Variants in FABP6 observed in about 807,000 individuals in gnomAD.
FABP6 encodes the protein fatty acid binding protein 6.
Under a neutral mutation model 14.9 loss-of-function variants are expected in FABP6, and 13 were observed. That is an observed-to-expected ratio of 0.87 (90% CI 0.57 to 1.39). The LOEUF (loss-of-function observed/expected upper bound fraction) is 1.39. Ranked by LOEUF, FABP6 falls within the 40% of genes most tolerant of loss-of-function variation. The probability of loss-of-function intolerance (pLI) is 0.00; values close to 1 mark genes in which losing one functional copy is unlikely to be tolerated. For synonymous variants in FABP6, 75 were observed against 63.6 expected, an observed-to-expected ratio of 1.18 and a Z score of -0.85; for missense variants, 161 against 167.2, an observed-to-expected ratio of 0.96 and a Z score of 0.20.
intron 2 of FABP6, among the ~76,000 whole-genome samples, chr5:160,210,037 C>G (rs1011501447): frequency 6.6e-6 from 1 of 152,172 alleles, no homozygotes. Flanking sequence ...GTGATCTGAC[C>G]AGGGGAGTCT....
chr5:160,222,209 C>G (rs1414380434), intron 3 of FABP6, among the ~76,000 whole-genome samples: 2 of 151,634 alleles, frequency 1.3e-5, no homozygotes, highest in Non-Finnish European at 2.9e-5. Flanking sequence ...CCTCTTGCCT[C>G]TGCCTCCAAA....
At chr5:160,207,881 G>A (rs1037829129) in intron 2 of FABP6, among the ~76,000 whole-genome samples, 3 of 151,910 alleles carry the variant, frequency 2.0e-5, no homozygotes, top group East Asian at 1.9e-4. Flanking sequence ...CTGCCACCAC[G>A]CCCAGCTAAT....
upstream of FABP6, chr5:160,228,418 C>T (rs879101194): frequency 1.1e-5 from 5 of 455,890 alleles, no homozygotes; most frequent in Admixed American, 2.4e-5. Flanking sequence ...ATAATAATCA[C>T]GAGAGCCTTT....
At chr5:160,212,531 C>G (rs1236293897) in intron 2 of FABP6, among the ~76,000 whole-genome samples, 1 of 151,794 alleles carries the variant, frequency 6.6e-6, no homozygotes, top group Non-Finnish European at 1.5e-5. Flanking sequence ...TGCAGTGGCA[C>G]GATCTCCGCT....
At chr5:160,232,385 C>T (rs1272326714) in intron 2 of FABP6, 112 bp downstream of exon 2, 2 of 1,140,834 alleles carry the variant, frequency 1.8e-6, no homozygotes, top group East Asian at 2.7e-5. Flanking sequence ...GTTTGGCCTC[C>T]AGCATTAGGA....
intron 1 of FABP6, among the ~76,000 whole-genome samples, chr5:160,191,086 T>C (rs1334700965): frequency 2.1e-5 from 2 of 96,940 alleles, no homozygotes; most frequent in African/African-American, 4.3e-5. Flanking sequence ...CAAGACTCCA[T>C]CTGGAAAAAA....
intron 3 of FABP6, among the ~76,000 whole-genome samples, chr5:160,214,132 TTTCTTTCTTTCTTTCTTTCTTTCTTTCC>T (rs1759960220): frequency 2.8e-5 from 4 of 143,728 alleles, no homozygotes; most frequent in South Asian, 4.4e-4. Context: ...TCTTTCTTTC[TTTCTTTCTTTCTTTCTTTCTTTCTTTCC>T]TTCTTCTCTC....
upstream of FABP6, among the ~76,000 whole-genome samples, chr5:160,226,510 G>A (rs1234149841): frequency 2.7e-5 from 4 of 148,590 alleles, no homozygotes; most frequent in East Asian, 2.0e-4. Flanking sequence ...GCAGTGAGCC[G>A]AGATCGCCCC....
chr5:160,228,584 C>T (rs1388761933), upstream of FABP6: 1 of 455,330 alleles, frequency 2.2e-6, no homozygotes, highest in African/African-American at 2.0e-5. Flanking sequence ...GATTCTGAAC[C>T]CCTAACCCCT....
chr5:160,189,655 G>A (rs1423782592), intron 1 of FABP6, among the ~76,000 whole-genome samples: 1 of 152,028 alleles, frequency 6.6e-6, no homozygotes, highest in Non-Finnish European at 1.5e-5. Flanking sequence ...AGGATCTATT[G>A]AGCCCAGGAA....
intron 1 of FABP6, among the ~76,000 whole-genome samples, chr5:160,192,926 A>C (rs1475090830): frequency 2.6e-5 from 4 of 152,238 alleles, no homozygotes; most frequent in Non-Finnish European, 4.4e-5. Flanking sequence ...AGCCTGAGCA[A>C]CATAGTGAGA....
intron 1 of FABP6, among the ~76,000 whole-genome samples, chr5:160,188,243 C>T (rs1313492141): frequency 2.6e-5 from 4 of 152,128 alleles, no homozygotes; most frequent in Non-Finnish European, 4.4e-5. Flanking sequence ...GCCTCTCCTC[C>T]CGATTCCTTA....
intron 2 of FABP6, among the ~76,000 whole-genome samples, chr5:160,204,561 C>T (rs959576168): frequency 1.3e-5 from 2 of 152,044 alleles, no homozygotes; most frequent in African/African-American, 2.4e-5. Flanking sequence ...GCAATCTTGG[C>T]TCACTGCAAC....
At chr5:160,206,498 A>G (rs1473903875) in intron 2 of FABP6, among the ~76,000 whole-genome samples, 1 of 152,198 alleles carries the variant, frequency 6.6e-6, no homozygotes, top group South Asian at 2.1e-4. Context: ...AACTTAATAT[A>G]CACAGAGAAA....
At chr5:160,227,553 G>A (rs774443869), upstream of FABP6, among the ~76,000 whole-genome samples, 1 of 149,602 alleles carries the variant, frequency 6.7e-6, no homozygotes, top group Non-Finnish European at 1.5e-5. Context: ...AGGCATGGTG[G>A]CATGTACTTG....
chr5:160,228,591 C>G, upstream of FABP6: 1 of 455,050 alleles, frequency 2.2e-6, no homozygotes. Flanking sequence ...AACCCCTAAC[C>G]CCTTCCAGCT....
chr5:160,220,834 T>A (rs1760113936), intron 3 of FABP6, among the ~76,000 whole-genome samples: 1 of 151,972 alleles, frequency 6.6e-6, no homozygotes, highest in South Asian at 2.1e-4. Flanking sequence ...ACGCCTGTAA[T>A]CCCAGCAGTT....
At chr5:160,231,820 C>T (rs1392196093) in intron 1 of FABP6, among the ~76,000 whole-genome samples, 2 of 152,166 alleles carry the variant, frequency 1.3e-5, no homozygotes, top group African/African-American at 4.8e-5. Flanking sequence ...CACAAACACA[C>T]TCACATTGAA....
intron 1 of FABP6, among the ~76,000 whole-genome samples, chr5:160,230,278 G>T (rs948334637): frequency 6.6e-6 from 1 of 152,172 alleles, no homozygotes; most frequent in Non-Finnish European, 1.5e-5. Flanking sequence ...CTAGTCCAAA[G>T]TCACACAGCT....
Sources: gnomAD v4.1 joint callset for allele counts (sites outside exome capture counted in the v4.1 genomes callset) on GRCh38, gnomAD v4.1.1 for gene constraint, MANE v1.5 for transcripts, NCBI Gene and HGNC (gene_info 2026-07-23, HGNC 2026-07-21) for gene names.